The following CRADD variants were observed in gnomAD, a reference collection of about 807,000 sequenced individuals.
CRADD encodes the protein death domain-containing protein CRADD.
CRADD carries 9 observed loss-of-function variants against 15.5 expected under a neutral mutation model. That is an observed-to-expected ratio of 0.58 (90% CI 0.35 to 1.01). The LOEUF is 1.01. Among genes scored for constraint, CRADD ranks in the 50% least tolerant of loss-of-function variants. CRADD has a pLI of 0.02. For synonymous variants in CRADD, 118 were observed against 107.6 expected (o/e 1.10, Z -0.60); for missense variants, 227 against 250.3 (o/e 0.91, Z 0.63).
intron 2 of CRADD, among the ~76,000 whole-genome samples, chr12:93,751,873 A>AC (rs1418320238): frequency 2.6e-5 from 4 of 152,130 alleles, no homozygotes; most frequent in African/African-American, 9.7e-5. Flanking sequence ...AAAAACACAA[A>AC]CAAAAAATCC....
At chr12:93,722,796 CA>C (rs889396223) in intron 2 of CRADD, among the ~76,000 whole-genome samples, 1 of 152,172 alleles carries the variant, frequency 6.6e-6, no homozygotes, top group Admixed American at 6.5e-5. Context: ...CTGATAATTC[CA>C]ACATCCTTGT....
At chr12:93,822,670 C>G (rs928428680) in intron 2 of CRADD, among the ~76,000 whole-genome samples, 1 of 152,102 alleles carries the variant, frequency 6.6e-6, no homozygotes, top group Admixed American at 6.5e-5. Context: ...GGTTTTGTCT[C>G]TATTGGATTA....
intron 2 of CRADD, among the ~76,000 whole-genome samples, chr12:93,731,784 G>A (rs558446639): frequency 6.6e-6 from 1 of 152,324 alleles, no homozygotes; most frequent in East Asian, 1.9e-4. Flanking sequence ...CTGATAGGGA[G>A]ACAATCATGT....
intron 2 of CRADD, among the ~76,000 whole-genome samples, chr12:93,842,591 T>C (rs1050916629): frequency 6.6e-6 from 1 of 152,068 alleles, no homozygotes; most frequent in African/African-American, 2.4e-5. Flanking sequence ...GAGTCAGCAA[T>C]GTCATATACA....
In CRADD at chr12:93,804,446, G is replaced by C. The variant is rs556405030; in HGVS notation, c.299-45524G>C. On this transcript the variant is annotated intron_variant, in intron 2 of 2. Transcript: ENST00000332896. ...AGGGGAAATTTTCCGTTTTCATCCA[G>C]ATGCTCTGGTAAGTGCTGACATACC... 2.6e-5 allele frequency among the ~76,000 whole-genome samples: 4 copies of C among 152,244 alleles called. No individual in the cohort carries two copies. The South Asian group carries it at 6.2e-4, about 24-fold the overall frequency.
intron 2 of CRADD, among the ~76,000 whole-genome samples, chr12:93,721,412 C>A (rs1168759147): frequency 6.6e-6 from 1 of 152,038 alleles, no homozygotes; most frequent in Non-Finnish European, 1.5e-5. Context: ...TTCACTTATA[C>A]GTTAGTGTAT....
At chr12:93,848,505 T>C (rs1958163398) in intron 2 of CRADD, among the ~76,000 whole-genome samples, 1 of 152,228 alleles carries the variant, frequency 6.6e-6, no homozygotes, top group African/African-American at 2.4e-5. Context: ...TATAGTGTAC[T>C]GTGCTGTCAA....
At chr12:93,747,617 C>T (rs942661067) in intron 2 of CRADD, among the ~76,000 whole-genome samples, 7 of 152,042 alleles carry the variant, frequency 4.6e-5, no homozygotes, top group Admixed American at 2.0e-4. Flanking sequence ...TACAGGCATG[C>T]GCCACAGTGC....
chr12:93,764,180 C>CTTT (rs34243041), intron 2 of CRADD, among the ~76,000 whole-genome samples: 9,810 of 128,226 alleles, frequency 0.077, 605 homozygotes, highest in East Asian at 0.24. Context: ...ACATGATCAA[C>CTTT]TTTTTTTTTT....
intron 2 of CRADD, among the ~76,000 whole-genome samples, chr12:93,681,940 G>A (rs1348648670): frequency 6.6e-6 from 1 of 152,164 alleles, no homozygotes; most frequent in Non-Finnish European, 1.5e-5. Flanking sequence ...GAAGGAAAGG[G>A]TGGAAGTAAT....
chr12:93,707,259 TA>T (rs1223969463), intron 2 of CRADD, among the ~76,000 whole-genome samples: 1 of 152,236 alleles, frequency 6.6e-6, no homozygotes, highest in African/African-American at 2.4e-5. Flanking sequence ...TTTGCTTTTT[TA>T]AATCTACTGC....
intron 2 of CRADD, among the ~76,000 whole-genome samples, chr12:93,810,047 G>A (rs1041770628): frequency 1.1e-4 from 16 of 152,110 alleles, no homozygotes; most frequent in African/African-American, 2.4e-4. Context: ...TCCAAATTGC[G>A]TGTAAAGTAC....
At chr12:93,713,496 C>T (rs1465007542) in intron 2 of CRADD, among the ~76,000 whole-genome samples, 4 of 152,042 alleles carry the variant, frequency 2.6e-5, no homozygotes, top group African/African-American at 4.8e-5. Context: ...AAAATGGCAT[C>T]GTATTTTTAT....
chr12:93,739,684 A>G (rs1200883327), intron 2 of CRADD, among the ~76,000 whole-genome samples: 1 of 152,138 alleles, frequency 6.6e-6, no homozygotes, highest in African/African-American at 2.4e-5. Flanking sequence ...GGGGAAAGGG[A>G]AAGATCTTGG....
chr12:93,758,585 G>T (rs1283563869), intron 2 of CRADD, among the ~76,000 whole-genome samples: 1 of 151,502 alleles, frequency 6.6e-6, no homozygotes, highest in Non-Finnish European at 1.5e-5. Context: ...AAATATTTGT[G>T]GTTCTTTATA....
intron 2 of CRADD, among the ~76,000 whole-genome samples, chr12:93,783,600 T>C (rs1479241521): frequency 6.6e-6 from 1 of 152,162 alleles, no homozygotes; most frequent in East Asian, 1.9e-4. Flanking sequence ...GTGGCAACTT[T>C]CTTCATATTC....
chr12:93,697,470 G>A (rs1400334337), intron 2 of CRADD, among the ~76,000 whole-genome samples: 1 of 152,132 alleles, frequency 6.6e-6, no homozygotes, highest in African/African-American at 2.4e-5. Context: ...AATTTCTATT[G>A]TTTATAAATT....
rs78868835 is a variant in CRADD, at chr12:93,694,021, T to A, written c.298+14949T>A. 2.0e-4 allele frequency among the ~76,000 whole-genome samples: 30 copies of A among 152,184 alleles called. No individual in the cohort carries two copies. In the East Asian group the frequency reaches 5.6e-3, roughly 28 times the overall value. ...CTTTGATATCAAAGCTAGATAAGGATACAAGAATAGAAAATTACAGACCAA... is the reference window on the plus strand; with the variant it reads ...CTTTGATATCAAAGCTAGATAAGGAAACAAGAATAGAAAATTACAGACCAA... On this transcript the variant is annotated intron_variant, in intron 2 of 2. Transcript: ENST00000332896.
At chr12:93,681,234 G>A (rs190119181) in intron 2 of CRADD, among the ~76,000 whole-genome samples, 149 of 152,238 alleles carry the variant, frequency 9.8e-4, no homozygotes, top group African/African-American at 3.4e-3. Context: ...AAGAATTAAG[G>A]CATTTTTTAC....
Sources: allele counts gnomAD v4.1 joint callset (sites outside exome capture counted in the v4.1 genomes callset), GRCh38; gene constraint gnomAD v4.1.1; transcripts MANE v1.5; gene names NCBI Gene and HGNC (gene_info 2026-07-23, HGNC 2026-07-21).